The following MAPRE1 variants were observed in gnomAD, a reference collection of about 807,000 sequenced individuals.
The protein encoded by MAPRE1 is microtubule associated protein RP/EB family member 1.
Under a neutral mutation model 32.1 loss-of-function variants are expected in MAPRE1, and 5 were observed. That is an observed-to-expected ratio of 0.16 (90% CI 0.08 to 0.33). The LOEUF is 0.33. MAPRE1 is among the 10% of genes least tolerant of loss of function. The pLI, the probability that MAPRE1 is intolerant of heterozygous loss-of-function variation, is 1.00. For missense variants in MAPRE1, 209 were observed against 327.2 expected, an observed-to-expected ratio of 0.64 and a Z score of 2.79; for synonymous variants, 122 against 118.9, an observed-to-expected ratio of 1.03 and a Z score of -0.17.
intron 3 of MAPRE1, among the ~76,000 whole-genome samples, chr20:32,836,115 C>T (rs1444779725): frequency 1.3e-5 from 2 of 152,108 alleles, no homozygotes; most frequent in Non-Finnish European, 2.9e-5. Flanking sequence ...CATGCCACCA[C>T]ACCTGCCTAA....
At chr20:32,839,948 C>A (rs771422902) in intron 5 of MAPRE1, 92 bp downstream of exon 5, 2 of 1,547,934 alleles carry the variant, frequency 1.3e-6, no homozygotes, top group Non-Finnish European at 8.8e-7. Context: ...TAAATGAACA[C>A]CTGCCTTGTT....
chr20:32,847,207 G>A (rs1983528070), intron 6 of MAPRE1, among the ~76,000 whole-genome samples: 1 of 152,210 alleles, frequency 6.6e-6, no homozygotes, highest in African/African-American at 2.4e-5. Context: ...GTCTGGGTAT[G>A]CCTTTCTCCT....
chr20:32,837,761 C>A (rs896277804), intron 4 of MAPRE1, among the ~76,000 whole-genome samples: 1 of 152,164 alleles, frequency 6.6e-6, no homozygotes, highest in African/African-American at 2.4e-5. Context: ...TCACCACAAT[C>A]AATTTTAGAA....
intron 3 of MAPRE1, among the ~76,000 whole-genome samples, chr20:32,836,335 A>G (rs1983201391): frequency 3.3e-5 from 5 of 152,200 alleles, no homozygotes; most frequent in Admixed American, 2.6e-4. Context: ...GCACTTTTGT[A>G]TCACGTCTTA....
At chr20:32,825,870 C>T in intron 1 of MAPRE1, 55 bp from the exon 2 acceptor site, 4 of 1,488,342 alleles carry the variant, frequency 2.7e-6, no homozygotes, top group Non-Finnish European at 2.7e-6. Context: ...AACACTTGAC[C>T]TTACTTGCAT....
At chr20:32,830,673 C>T (rs1023045738) in intron 2 of MAPRE1, among the ~76,000 whole-genome samples, 1 of 152,102 alleles carries the variant, frequency 6.6e-6, no homozygotes, top group African/African-American at 2.4e-5. Context: ...TTGCATAAGT[C>T]TGCAGCCTTT....
At chr20:32,846,889 C>A (rs1367414425) in intron 6 of MAPRE1, 119 bp downstream of exon 6, 6 of 1,114,318 alleles carry the variant, frequency 5.4e-6, no homozygotes, top group Non-Finnish European at 6.5e-6. Flanking sequence ...TCTTTAACCC[C>A]TCAAAGTCAG....
rs1409080565 is a variant in MAPRE1 at position 32,825,980 on chromosome 20, A to G, written c.53A>G (p.His18Arg). 6.2e-7 allele frequency: 1 copy of G among 1,610,776 alleles called. No individual in the cohort carries two copies. Among genetic ancestry groups the G allele is most frequent in the Non-Finnish European group, 8.5e-7 (1 of 1,177,408 alleles). ...GTGACCAGTGATAACCTAAGTCGAC[A>G]TGACATGCTGGCCTGGATCAATGAG... ...TSVTSDNLSRHDMLAWINESL... is the reference protein window; with the variant it reads ...TSVTSDNLSRRDMLAWINESL... Residue 18 changes from histidine to arginine, a missense_variant, in exon 2 of 7, where the codon CAT becomes CGT. By Grantham distance (29) the His-to-Arg change is conservative. Around this residue, in one of 3 missense-constraint regions of MAPRE1, gnomAD observed 67 missense variants for 140.0 expected, o/e 0.48. Transcript: ENST00000375571.
chr20:32,827,475 A>G (rs571274965), intron 2 of MAPRE1, among the ~76,000 whole-genome samples: 33 of 152,210 alleles, frequency 2.2e-4, no homozygotes, highest in Non-Finnish European at 3.1e-4. Context: ...TATGTATGCT[A>G]ATCGTATGAC....
intron 1 of MAPRE1, among the ~76,000 whole-genome samples, chr20:32,824,325 A>G (rs762910768): frequency 2.0e-5 from 3 of 152,268 alleles, no homozygotes; most frequent in Non-Finnish European, 4.4e-5. Context: ...GCATTTGAAA[A>G]TTAGACTCAT....
chr20:32,845,578 C>G (rs1207106745), intron 5 of MAPRE1, among the ~76,000 whole-genome samples: 1 of 152,146 alleles, frequency 6.6e-6, no homozygotes, highest in East Asian at 1.9e-4. Context: ...TTGATCTCCT[C>G]TGTTGTGTTT....
chr20:32,840,275 T>C (rs1048887149), intron 5 of MAPRE1, among the ~76,000 whole-genome samples: 1 of 152,200 alleles, frequency 6.6e-6, no homozygotes, highest in Non-Finnish European at 1.5e-5. Flanking sequence ...ATGAAAAGCC[T>C]GTGGCTCTTC....
intron 3 of MAPRE1, among the ~76,000 whole-genome samples, chr20:32,834,130 A>T (rs898780277): frequency 1.3e-5 from 2 of 152,142 alleles, no homozygotes; most frequent in Non-Finnish European, 2.9e-5. Flanking sequence ...TTTTATTTTT[A>T]AAAAATTCCT....
chr20:32,841,003 A>G (rs1601169931), intron 5 of MAPRE1, among the ~76,000 whole-genome samples: 1 of 152,248 alleles, frequency 6.6e-6, no homozygotes, highest in East Asian at 1.9e-4. Flanking sequence ...TTTAGTAGAG[A>G]CAGGGTTTCA....
chr20:32,839,965 C>G (rs1983315263), intron 5 of MAPRE1, 109 bp downstream of exon 5: 2 of 1,470,032 alleles, frequency 1.4e-6, no homozygotes, highest in Non-Finnish European at 1.9e-6. Flanking sequence ...TGTTTGCTTG[C>G]CAGAGCATGT....
At chr20:32,839,627 A>T in intron 4 of MAPRE1, 108 bp from the exon 5 acceptor site, 3 of 1,459,170 alleles carry the variant, frequency 2.1e-6, no homozygotes, top group Non-Finnish European at 2.8e-6. Flanking sequence ...CCTTCACTGA[A>T]CACCTGTGCA....
intron 2 of MAPRE1, among the ~76,000 whole-genome samples, chr20:32,826,755 G>A (rs1033099003): frequency 6.6e-6 from 1 of 151,696 alleles, no homozygotes; most frequent in Non-Finnish European, 1.5e-5. Flanking sequence ...GACCTCAAAT[G>A]ATCTGCCTGC....
rs529064823 is a variant in MAPRE1 at position 32,829,542 on chromosome 20, C to A, written c.121+3494C>A. On this transcript the variant is annotated intron_variant, in intron 2 of 6. Coordinates refer to ENST00000375571, the MANE Select transcript of MAPRE1 (RefSeq NM_012325.3). ...TCAACTCCTTGTGCTTACTGAGGCC[C>A]AAGGAGAATTCCAGGAGCTTTTGAT... Among the ~76,000 whole-genome samples the A allele has an allele frequency of 5.9e-5, 9 of 152,304 alleles. No homozygotes were observed. In the East Asian group the frequency reaches 1.7e-3, roughly 29 times the overall value.
At chr20:32,840,381 G>A (rs559123664) in intron 5 of MAPRE1, among the ~76,000 whole-genome samples, 2 of 152,208 alleles carry the variant, frequency 1.3e-5, no homozygotes, top group East Asian at 3.9e-4. Context: ...ATCAAAACAA[G>A]TTTTAGACTT....
Sources: gnomAD v4.1 joint callset for allele counts (sites outside exome capture counted in the v4.1 genomes callset) on GRCh38, gnomAD v4.1.1 for gene constraint, gnomAD v4.1.1 regional missense constraint, MANE v1.5 for transcripts, NCBI Gene and HGNC (gene_info 2026-07-23, HGNC 2026-07-21) for gene names.